The following TYW1B variants were observed in gnomAD, a reference collection of about 807,000 sequenced individuals.
TYW1B encodes S-adenosyl-L-methionine-dependent tRNA 4-demethylwyosine synthase TYW1B.
Under a neutral mutation model 86.9 loss-of-function variants are expected in TYW1B, and 73 were observed. The observed-to-expected ratio is 0.84, with a 90% CI of 0.70 to 1.02. TYW1B has a LOEUF of 1.02. Ranked by LOEUF, TYW1B falls within the 50% of genes least tolerant of loss-of-function variation. The probability of loss-of-function intolerance (pLI) is 0.00; values close to 1 mark genes in which losing one functional copy is unlikely to be tolerated. For synonymous variants in TYW1B, 248 were observed against 292.8 expected (o/e 0.85, Z 1.56); for missense variants, 637 against 827.4 (o/e 0.77, Z 2.82).
intron 10 of TYW1B, among the ~76,000 whole-genome samples, chr7:72,699,677 T>C (rs1554452121): frequency 6.6e-6 from 1 of 151,706 alleles, no homozygotes; most frequent in South Asian, 2.1e-4. Flanking sequence ...AAAGACAGAG[T>C]CTTGCTCTGT....
chr7:72,766,613 C>CAAAAAAA (rs56738770), intron 7 of TYW1B, among the ~76,000 whole-genome samples: 8 of 82,902 alleles, frequency 9.6e-5, no homozygotes, highest in Admixed American at 3.3e-4. Flanking sequence ...GATTCAGTCT[C>CAAAAAAA]AAAAAAAAAA....
intron 10 of TYW1B, among the ~76,000 whole-genome samples, chr7:72,710,940 A>G (rs1160284456): frequency 6.6e-6 from 1 of 152,186 alleles, no homozygotes; most frequent in Non-Finnish European, 1.5e-5. Context: ...ACAGAGCAGG[A>G]GCACCGTCAC....
chr7:72,687,053 A>C (rs1554449564), intron 11 of TYW1B, among the ~76,000 whole-genome samples: 1 of 152,224 alleles, frequency 6.6e-6, no homozygotes, highest in African/African-American at 2.4e-5. Context: ...GGACAGGAAA[A>C]GCACTAAACA....
chr7:72,609,286 C>T lies in TYW1B; in HGVS notation c.1785+7386G>A, dbSNP rs571569857. Among the ~76,000 whole-genome samples, 48 of 152,116 alleles carry T rather than the reference C, an allele frequency of 3.2e-4. 2 individuals are homozygous for T. In the South Asian group the frequency reaches 9.4e-3, roughly 30 times the overall value. The stretch of plus-strand genomic sequence containing the variant: ...TATTAGTAGAAATTGAGGCTGGGCA[C>T]GGTGGCTCATGTCTGTAATCCCAGC... On this transcript the variant is annotated intron_variant, in intron 13 of 13. Transcript: ENST00000620995.
At chr7:72,818,821 C>T (rs2129572894) in intron 2 of TYW1B, among the ~76,000 whole-genome samples, 1 of 151,962 alleles carries the variant, frequency 6.6e-6, no homozygotes, top group South Asian at 2.1e-4. Context: ...ACAGCCAGAT[C>T]TCATGAGAAC....
intron 7 of TYW1B, among the ~76,000 whole-genome samples, chr7:72,761,399 T>C (rs1348107572): frequency 1.3e-5 from 2 of 151,986 alleles, no homozygotes; most frequent in South Asian, 2.1e-4. Context: ...ATGTTTTTAA[T>C]AGGAAAAAAG....
At chr7:72,797,713 T>C (rs1554474681) in intron 6 of TYW1B, among the ~76,000 whole-genome samples, 1 of 152,126 alleles carries the variant, frequency 6.6e-6, no homozygotes, top group Non-Finnish European at 1.5e-5. Flanking sequence ...TGAGACCCTG[T>C]CTCAAAAACA....
At chr7:72,724,632 A>G (rs1456542379) in intron 9 of TYW1B, among the ~76,000 whole-genome samples, 1 of 152,224 alleles carries the variant, frequency 6.6e-6, no homozygotes, top group Non-Finnish European at 1.5e-5. Context: ...GCATCAATGC[A>G]CAAATATCAA....
chr7:72,727,277 G>A (rs1301146713), intron 9 of TYW1B, among the ~76,000 whole-genome samples: 1 of 152,172 alleles, frequency 6.6e-6, no homozygotes, highest in African/African-American at 2.4e-5. Flanking sequence ...AATACCTTAA[G>A]AGTGTCTATA....
Position 72,744,534 on chromosome 7 carries a change from C to T in TYW1B, c.1032G>A (p.Met344Ile). The change falls in exon 8 of 14, where the codon ATG becomes ATA. Residue 344 changes from methionine to isoleucine, a missense_variant. By Grantham distance (10) the Met-to-Ile change is conservative (BLOSUM62 1). Transcript: ENST00000620995. The part of the protein sequence containing the change: ...HILWNESHRC[M>I]ETTPSLACAN... ...CACACGCCAAGCTCGGGGTGGTTTC[C>T]ATGCAGCGATGGCTCTCATTCCATA... The T allele has an allele frequency of 1.3e-6, 2 of 1,540,240 alleles. No homozygotes were observed. Among genetic ancestry groups the T allele is most frequent in the Non-Finnish European group, 1.7e-6 (2 of 1,148,428 alleles).
chr7:72,828,096 G>C lies in TYW1B; in HGVS notation c.-21C>G. On this transcript the variant is annotated 5_prime_UTR_variant, in exon 1 of 14. Transcript: ENST00000620995. The stretch of plus-strand genomic sequence containing the variant: ...CCCATCCTCCTCAGAGCCGACAGGA[G>C]ACTAGGATCTCGGACCTGGAGAGCC... 6.2e-7 allele frequency: 1 copy of C among 1,613,874 alleles called. No homozygotes were observed.
At chr7:72,584,570 C>G (rs1450309075) in intron 13 of TYW1B, among the ~76,000 whole-genome samples, 3 of 151,732 alleles carry the variant, frequency 2.0e-5, no homozygotes, top group Non-Finnish European at 2.9e-5. Flanking sequence ...ATTCTCCTGT[C>G]TCAGCCTCCC....
At chr7:72,675,539 G>GTATA (rs57288719) in intron 11 of TYW1B, among the ~76,000 whole-genome samples, 23,475 of 144,140 alleles carry the variant, frequency 0.16, 1,978 homozygotes, top group Middle Eastern at 0.19. Flanking sequence ...AGTGATGTCA[G>GTATA]TATATATATA....
At chr7:72,716,302 G>A (rs565890741) in intron 9 of TYW1B, among the ~76,000 whole-genome samples, 105 of 152,314 alleles carry the variant, frequency 6.9e-4, no homozygotes, top group Admixed American at 1.7e-3. Context: ...AAGAATTTTT[G>A]TTGGGATTAA....
intron 11 of TYW1B, among the ~76,000 whole-genome samples, chr7:72,688,688 C>T (rs184014388): frequency 6.6e-6 from 1 of 152,158 alleles, no homozygotes; most frequent in African/African-American, 2.4e-5. Flanking sequence ...CAATCCGTTG[C>T]TAAAGAGATG....
chr7:72,697,133 T>C (rs1554451642), intron 10 of TYW1B, among the ~76,000 whole-genome samples: 1 of 151,854 alleles, frequency 6.6e-6, no homozygotes, highest in Non-Finnish European at 1.5e-5. Flanking sequence ...AGCTTCCTGA[T>C]GCAAAATGAG....
intron 11 of TYW1B, among the ~76,000 whole-genome samples, chr7:72,685,179 T>C (rs1813979436): frequency 6.8e-6 from 1 of 147,430 alleles, no homozygotes; most frequent in Admixed American, 6.8e-5. Flanking sequence ...CAGGAAGAAA[T>C]ATAGTGTTCT....
intron 7 of TYW1B, chr7:72,768,786 C>CAA (rs35836607): frequency 0.65 from 86,842 of 134,394 alleles, 28,213 homozygotes; most frequent in Non-Finnish European, 0.71. Context: ...GACTCCATCT[C>CAA]AAAAAAAAAA....
At chr7:72,635,264 T>C (rs546629303) in intron 11 of TYW1B, among the ~76,000 whole-genome samples, 10 of 152,372 alleles carry the variant, frequency 6.6e-5, no homozygotes, top group African/African-American at 2.2e-4. Flanking sequence ...TGGTTTTTTC[T>C]ATTCTGTTCC....
Sources: gnomAD v4.1 joint callset for allele counts (sites outside exome capture counted in the v4.1 genomes callset) on GRCh38, gnomAD v4.1.1 for gene constraint, MANE v1.5 for transcripts, NCBI Gene and HGNC (gene_info 2026-07-23, HGNC 2026-07-21) for gene names.